The following PCBP3 variants were observed in gnomAD, a reference collection of about 807,000 sequenced individuals.
The protein encoded by PCBP3 is poly(rC)-binding protein 3.
In PCBP3, 25 loss-of-function variants were observed where a neutral mutation model predicts 52.7. The observed-to-expected ratio is 0.47, with a 90% CI of 0.35 to 0.66. The LOEUF is 0.66. Ranked by LOEUF, PCBP3 falls within the 30% of genes least tolerant of loss-of-function variation. The pLI is 0.01. For missense variants in PCBP3, 391 were observed against 490.3 expected (o/e 0.80, Z 1.91); for synonymous variants, 162 against 183.0 (o/e 0.89, Z 0.93).
intron 2 of PCBP3, among the ~76,000 whole-genome samples, chr21:45,731,853 C>T (rs558494501): frequency 1.3e-5 from 2 of 149,318 alleles, no homozygotes; most frequent in African/African-American, 2.5e-5. Flanking sequence ...TTGTCATAAG[C>T]CCCACAATGC....
intron 1 of PCBP3, among the ~76,000 whole-genome samples, chr21:45,654,791 G>A (rs933707513): frequency 6.6e-6 from 1 of 151,980 alleles, no homozygotes; most frequent in Non-Finnish European, 1.5e-5. Flanking sequence ...GTATTTTCAA[G>A]GTCATGCAAC....
Position 45,692,051 on chromosome 21 carries a change from A to G in PCBP3, c.-200+23099A>G, listed in dbSNP as rs1014682622. On this transcript the variant is annotated intron_variant, in intron 2 of 17. Transcript: ENST00000681687. ...TCTTCCCCTCAAGTCATTTTTCCAG[A>G]TTTTGAATCCATAGTATGTGGCAGG... Among the ~76,000 whole-genome samples, 11 of 152,156 alleles carry G rather than the reference A, an allele frequency of 7.2e-5. No individual in the cohort carries two copies. The South Asian group carries it at 1.0e-3, about 14-fold the overall frequency.
intron 1 of PCBP3, among the ~76,000 whole-genome samples, chr21:45,647,716 G>A (rs2079410585): frequency 1.3e-5 from 2 of 152,198 alleles, no homozygotes; most frequent in South Asian, 2.1e-4. Flanking sequence ...TTGTGAAATG[G>A]TTGGAACTTT....
At chr21:45,784,942 C>A (rs1317362111) in intron 4 of PCBP3, among the ~76,000 whole-genome samples, 1 of 151,628 alleles carries the variant, frequency 6.6e-6, no homozygotes, top group African/African-American at 2.4e-5. Flanking sequence ...ATGTGAGGAG[C>A]CCCTCTGCCT....
At chr21:45,677,493 T>C (rs1336026363) in intron 2 of PCBP3, among the ~76,000 whole-genome samples, 1 of 152,250 alleles carries the variant, frequency 6.6e-6, no homozygotes. Flanking sequence ...CTGATGTAGA[T>C]GCTGTACCTT....
intron 2 of PCBP3, among the ~76,000 whole-genome samples, chr21:45,733,156 C>T (rs1169497787): frequency 6.6e-6 from 1 of 152,146 alleles, no homozygotes; most frequent in African/African-American, 2.4e-5. Context: ...TTTTAAATCT[C>T]AGATGTATTT....
chr21:45,784,448 T>G (rs1160151972), intron 4 of PCBP3, among the ~76,000 whole-genome samples: 3 of 149,484 alleles, frequency 2.0e-5, no homozygotes, highest in Non-Finnish European at 4.5e-5. Flanking sequence ...ACCTCCTACC[T>G]CCTACCTCCT....
At chr21:45,884,348 G>A (rs2095469344) in intron 5 of PCBP3, among the ~76,000 whole-genome samples, 1 of 152,012 alleles carries the variant, frequency 6.6e-6, no homozygotes, top group African/African-American at 2.4e-5. Flanking sequence ...TAGCATTTTA[G>A]AGTATATATC....
intron 5 of PCBP3, among the ~76,000 whole-genome samples, chr21:45,863,424 G>A (rs1023139502): frequency 6.6e-6 from 1 of 152,236 alleles, no homozygotes; most frequent in African/African-American, 2.4e-5. Flanking sequence ...CAGGGGCTTA[G>A]CTGCTGCGGC....
intron 3 of PCBP3, chr21:45,750,801 C>T (rs947769836): frequency 3.3e-5 from 5 of 152,114 alleles, no homozygotes; most frequent in African/African-American, 4.8e-5. Context: ...TTGCTTCTAA[C>T]CCTGTTAGGG....
At position 45,718,281 on chromosome 21, in the gene PCBP3, G is replaced by C. The variant is rs190066708; in HGVS notation, c.-199-17111G>C. Among the ~76,000 whole-genome samples the C allele has an allele frequency of 3.4e-5, 5 of 148,658 alleles. No individual in the cohort carries two copies. In the East Asian group the frequency reaches 1.0e-3, roughly 30 times the overall value. On this transcript the variant is annotated intron_variant, in intron 2 of 17. Coordinates refer to ENST00000681687, the MANE Select transcript of PCBP3 (RefSeq NM_001384156.1). Reference sequence around the variant, plus strand: ...TTTCAAGAAACTAACTTTTGGTTTTGTTTTCTATTCTGTTTAATTTCTATT... The same window carrying C: ...TTTCAAGAAACTAACTTTTGGTTTTCTTTTCTATTCTGTTTAATTTCTATT...
chr21:45,837,640 C>T lies in PCBP3; in HGVS notation c.-125-12321C>T, dbSNP rs2093619323. 6.6e-6 allele frequency among the ~76,000 whole-genome samples: 1 copy of T among 152,148 alleles called. No individual in the cohort carries two copies. The highest frequency in any genetic ancestry group is 2.1e-4 in the South Asian group (1 of 4,828). ...TGCCTCCTCTGGCATGGTGCAGAGC[C>T]CACCTGCAACCCCATATTTGCCCTG... On this transcript the variant is annotated intron_variant, in intron 4 of 17. Transcript: ENST00000681687. The surrounding 1 kb of genome is among the most constrained non-coding windows in gnomAD (Gnocchi z 4.1).
intron 4 of PCBP3, among the ~76,000 whole-genome samples, chr21:45,824,562 T>A (rs1263854368): frequency 1.3e-5 from 2 of 152,234 alleles, no homozygotes; most frequent in African/African-American, 2.4e-5. Context: ...TCACAGTAAA[T>A]CTCTGCTTCC....
intron 4 of PCBP3, among the ~76,000 whole-genome samples, chr21:45,765,981 G>T (rs2089279771): frequency 6.6e-6 from 1 of 152,242 alleles, no homozygotes. Context: ...TTAATGGTCA[G>T]TGATGTTGGA....
intron 5 of PCBP3, among the ~76,000 whole-genome samples, chr21:45,862,198 CACGT>C (rs1052402413): frequency 1.7e-4 from 26 of 150,306 alleles, no homozygotes; most frequent in African/African-American, 6.4e-4. Context: ...GGTGGGGGGA[CACGT>C]ACATTTAAAT....
chr21:45,659,680 A>G (rs1426386272), intron 1 of PCBP3, among the ~76,000 whole-genome samples: 3 of 151,902 alleles, frequency 2.0e-5, no homozygotes, highest in South Asian at 4.1e-4. Context: ...AGTATTTTCT[A>G]ATTTCCCTTG....
chr21:45,797,994 T>C (rs893611821), intron 4 of PCBP3, among the ~76,000 whole-genome samples: 1 of 138,832 alleles, frequency 7.2e-6, no homozygotes, highest in African/African-American at 2.8e-5. Flanking sequence ...GATGAACGCA[T>C]GGATCTGTAG....
chr21:45,780,398 G>T (rs1335093401), intron 4 of PCBP3, among the ~76,000 whole-genome samples: 1 of 152,228 alleles, frequency 6.6e-6, no homozygotes, highest in Non-Finnish European at 1.5e-5. Flanking sequence ...GGGCTCCAAG[G>T]TCATAGATGT....
At chr21:45,773,493 A>G (rs1203537449) in intron 4 of PCBP3, among the ~76,000 whole-genome samples, 1 of 152,124 alleles carries the variant, frequency 6.6e-6, no homozygotes, top group East Asian at 1.9e-4. Flanking sequence ...GTCTTCTTTT[A>G]AGAAATGTCT....
Sources: gnomAD v4.1 joint callset for allele counts (sites outside exome capture counted in the v4.1 genomes callset) on GRCh38, gnomAD v4.1.1 for gene constraint, Gnocchi (gnomAD v3.1) non-coding constraint, MANE v1.5 for transcripts, NCBI Gene and HGNC (gene_info 2026-07-23, HGNC 2026-07-21) for gene names.